The following YES1 variants were observed in gnomAD, a reference collection of about 807,000 sequenced individuals.
YES1 encodes the protein YES proto-oncogene 1, Src family tyrosine kinase, also known as tyrosine-protein kinase Yes.
Under a neutral mutation model 70.4 loss-of-function variants are expected in YES1, and 39 were observed. The ratio of observed to expected loss-of-function variants is 0.55; its 90% CI spans 0.43 to 0.72. The LOEUF is 0.72. YES1 is among the 30% of genes least tolerant of loss of function. The pLI, the probability that YES1 is intolerant of heterozygous loss-of-function variation, is 0.00. For missense variants in YES1, 495 were observed against 644.8 expected (o/e 0.77, Z 2.52); for synonymous variants, 198 against 218.6 (o/e 0.91, Z 0.83).
In YES1 at chr18:745,747, G is replaced by C; in HGVS notation, c.685C>G (p.Gln229Glu). The C allele has an allele frequency of 6.2e-7, 1 of 1,612,682 alleles. No homozygotes were observed. The highest frequency in any genetic ancestry group is 8.5e-7 in the Non-Finnish European group (1 of 1,179,618). Residue 229 changes from glutamine (Q) to glutamate (E), a missense_variant, in exon 6 of 12, where the codon CAA (glutamine) becomes GAA (glutamate). Transcript: ENST00000314574. ...ACCAATTTCTGCAGAGTATCAAATT[G>C]TGCTCTGGTTGTGATATAGTATCCA... ...NGGYYITTRA[Q>E]FDTLQKLVKH...
intron 11 of YES1, among the ~76,000 whole-genome samples, chr18:725,626 C>T (rs1454504245): frequency 2.6e-5 from 4 of 152,128 alleles, no homozygotes; most frequent in East Asian, 1.9e-4. Flanking sequence ...CAGTGGCTCT[C>T]GTCTGTAATC....
In YES1 at chr18:723,108, A is replaced by C. The variant is rs957608283; in HGVS notation, c.*1316T>G. ...CTCCGTCTCAAAAAAGAAAACAAAAAAAAGTGAATGTAGATTCAAACATGA... is the reference window on the plus strand; with the variant it reads ...CTCCGTCTCAAAAAAGAAAACAAAACAAAGTGAATGTAGATTCAAACATGA... On this transcript the variant is annotated 3_prime_UTR_variant, in exon 12 of 12. Transcript: ENST00000314574. The C allele has an allele frequency of 6.6e-6, 1 of 152,188 alleles. No homozygotes were observed. Among genetic ancestry groups the C allele is most frequent in the African/African-American group, 2.4e-5 (1 of 41,440 alleles). 9.4% of individuals were successfully genotyped at this position (152,188 alleles called of 1,614,324 possible).
intron 1 of YES1, among the ~76,000 whole-genome samples, chr18:776,035 G>A (rs926414371): frequency 2.0e-5 from 3 of 152,102 alleles, no homozygotes; most frequent in East Asian, 1.9e-4. Flanking sequence ...TCCTTGGTAC[G>A]CATGTATGCA....
At chr18:766,841 T>C (rs1904934527) in intron 1 of YES1, among the ~76,000 whole-genome samples, 2 of 152,176 alleles carry the variant, frequency 1.3e-5, no homozygotes, top group African/African-American at 2.4e-5. Flanking sequence ...TCTAACACTA[T>C]TATATTCTTT....
intron 11 of YES1, among the ~76,000 whole-genome samples, chr18:727,909 T>C (rs1315770300): frequency 6.6e-6 from 1 of 152,216 alleles, no homozygotes; most frequent in East Asian, 1.9e-4. Context: ...GTAGATAATA[T>C]ATAGGCTGAG....
intron 1 of YES1, among the ~76,000 whole-genome samples, chr18:796,474 G>A (rs1445417812): frequency 1.3e-5 from 2 of 152,128 alleles, no homozygotes; most frequent in Non-Finnish European, 2.9e-5. Context: ...TATTGGCATA[G>A]AAACAAACAA....
chr18:760,192 G>A (rs1333130039), intron 1 of YES1, among the ~76,000 whole-genome samples: 1 of 152,050 alleles, frequency 6.6e-6, no homozygotes, highest in Non-Finnish European at 1.5e-5. Context: ...CAGGGGGACT[G>A]GGCACAGTGG....
intron 8 of YES1, among the ~76,000 whole-genome samples, chr18:742,551 T>C (rs2080228356): frequency 2.0e-5 from 3 of 152,186 alleles, no homozygotes; most frequent in Admixed American, 2.0e-4. Context: ...AGAAAACTAA[T>C]TCATTTTAAC....
At chr18:796,630 G>A (rs377483043) in intron 1 of YES1, among the ~76,000 whole-genome samples, 7 of 152,096 alleles carry the variant, frequency 4.6e-5, no homozygotes, top group African/African-American at 1.7e-4. Context: ...AGCCGGGCGT[G>A]GTGGCAGGCA....
rs747890953 is a variant in YES1 at position 756,719 on chromosome 18, T to A, written c.109A>T (p.Thr37Ser). Residue 37 changes from threonine to serine, a missense_variant, in exon 2 of 12, where the codon ACT (threonine) becomes TCT (serine). Transcript: ENST00000314574. ...TSVSHYGAEP[T>S]TVSPCPSSSA... is the part of the protein sequence containing the mutation. ...GATGACGGACATGGTGACACTGTAG[T>A]GGGTTCTGCTCCATAATGGCTCACA... 2 of 1,614,058 alleles carry A rather than the reference T, an allele frequency of 1.2e-6. No individual in the cohort carries two copies. Among genetic ancestry groups the A allele is most frequent in the African/African-American group, 1.3e-5 (1 of 74,922 alleles).
rs913171637 is a variant in YES1, at chr18:722,546, G to C, written c.*1878C>G. Reference sequence around the variant, plus strand: ...AGAGTATTTTAAAACATATACACCAGACCTTCATTTTATTCATCAATTTTT... The same window carrying C: ...AGAGTATTTTAAAACATATACACCACACCTTCATTTTATTCATCAATTTTT... On this transcript the variant is annotated 3_prime_UTR_variant, in exon 12 of 12. Transcript: ENST00000314574. The C allele has an allele frequency of 2.0e-5, 3 of 152,402 alleles. No individual in the cohort carries two copies. Among genetic ancestry groups the C allele is most frequent in the African/African-American group, 7.3e-5 (3 of 41,362 alleles). 9.4% of individuals were successfully genotyped at this position (152,402 alleles called of 1,614,324 possible). A position where few individuals can be genotyped will look rare whatever the true frequency, so the allele number is the denominator to read the frequency against.
chr18:790,323 C>A (rs1291872953), intron 1 of YES1, among the ~76,000 whole-genome samples: 1 of 152,206 alleles, frequency 6.6e-6, no homozygotes, highest in Non-Finnish European at 1.5e-5. Context: ...TTGCAATGAG[C>A]CGAGATGGCG....
chr18:751,894 C>T (rs1469595594), intron 2 of YES1, 90 bp from the exon 3 acceptor site: 1 of 775,136 alleles, frequency 1.3e-6, no homozygotes, highest in East Asian at 2.6e-5. Context: ...AAAAAAAAAG[C>T]TTAAGGATAG....
intron 4 of YES1, 70 bp downstream of exon 4, chr18:747,850 G>C: frequency 7.1e-7 from 1 of 1,405,356 alleles, no homozygotes; most frequent in Non-Finnish European, 1.0e-6. Flanking sequence ...TAAAGTTGTG[G>C]CTAAGTAGAA....
At chr18:753,880 T>C (rs920168817) in intron 2 of YES1, among the ~76,000 whole-genome samples, 4 of 152,182 alleles carry the variant, frequency 2.6e-5, no homozygotes, top group Non-Finnish European at 4.4e-5. Flanking sequence ...CATACCCAAG[T>C]CTTTCCTATC....
chr18:732,435 T>TAAAAAAA (rs11460599), intron 11 of YES1, among the ~76,000 whole-genome samples: 10 of 90,484 alleles, frequency 1.1e-4, no homozygotes, highest in Non-Finnish European at 1.4e-4. Context: ...AGACTGTGTT[T>TAAAAAAA]AAAAAAAAAA....
At chr18:788,789 G>A (rs1260893918) in intron 1 of YES1, among the ~76,000 whole-genome samples, 1 of 152,136 alleles carries the variant, frequency 6.6e-6, no homozygotes, top group Non-Finnish European at 1.5e-5. Context: ...AGCCAGACAT[G>A]GTGGTGTGCG....
intron 1 of YES1, among the ~76,000 whole-genome samples, chr18:809,449 G>A (rs1231188714): frequency 7.9e-5 from 12 of 152,098 alleles, no homozygotes; most frequent in Admixed American, 7.2e-4. Flanking sequence ...ACAGGGGCGC[G>A]CCACCACACC....
chr18:786,530 C>A (rs530861788), intron 1 of YES1, among the ~76,000 whole-genome samples: 284 of 151,032 alleles, frequency 1.9e-3, no homozygotes, highest in Admixed American at 3.2e-3. Flanking sequence ...CACACACACA[C>A]ACACACAGAG....
Sources: allele counts gnomAD v4.1 joint callset (sites outside exome capture counted in the v4.1 genomes callset), GRCh38; gene constraint gnomAD v4.1.1; transcripts MANE v1.5; gene names NCBI Gene and HGNC (gene_info 2026-07-23, HGNC 2026-07-21).